HYDIN: variants seen among roughly 807,000 people sequenced by gnomAD.
The protein encoded by HYDIN is HYDIN axonemal central pair apparatus protein.
HYDIN carries 132 observed loss-of-function variants against 403.9 expected under a neutral mutation model. That is an observed-to-expected ratio of 0.33 (90% CI 0.28 to 0.38). HYDIN has a LOEUF of 0.38. Among genes scored for constraint, HYDIN ranks in the 10% least tolerant of loss-of-function variants. HYDIN has a pLI of 1.00. For missense variants in HYDIN, 2,827 were observed against 5,009.5 expected (o/e 0.56, Z 13.15); for synonymous variants, 1,202 against 1,891.7 (o/e 0.64, Z 9.46).
chr16:71,046,851 G>C (rs527391959), intron 18 of HYDIN, among the ~76,000 whole-genome samples: 1 of 152,230 alleles, frequency 6.6e-6, no homozygotes, highest in East Asian at 1.9e-4. Context: ...TATACTATCA[G>C]TGCACAAAAC....
chr16:71,186,873 TC>T lies in HYDIN; in HGVS notation c.22del (p.Glu8SerfsTer25). Reference protein sequence around the residue: MTSRRLEESMGAVQMGLV... With the variant: MTSRRLEXSMGAVQMGLV... The stretch of plus-strand genomic sequence containing the variant: ...TCCCATCTGAACAGCCCCCATGGAC[TC>T]CTCAAGTCTTCTACTTGTCATTTTT... On this transcript the variant is annotated frameshift_variant, in exon 2 of 86. Coordinates refer to ENST00000393567, the MANE Select transcript of HYDIN (RefSeq NM_001270974.2). LOFTEE classifies it high-confidence loss of function. 1 of 1,611,610 alleles carries T rather than the reference TC, an allele frequency of 6.2e-7. No homozygotes were observed. The highest frequency in any genetic ancestry group is 8.5e-7 in the Non-Finnish European group (1 of 1,178,676).
chr16:70,882,424 G>A (rs1388038677), intron 60 of HYDIN, among the ~76,000 whole-genome samples: 2 of 152,250 alleles, frequency 1.3e-5, no homozygotes, highest in Non-Finnish European at 2.9e-5. Context: ...TTCAATGGAG[G>A]AATGCGGTTT....
chr16:70,995,798 G>C (rs1389920068), intron 23 of HYDIN, among the ~76,000 whole-genome samples: 1 of 152,178 alleles, frequency 6.6e-6, no homozygotes, highest in Non-Finnish European at 1.5e-5. Flanking sequence ...CATTAGACTT[G>C]GCTTCTGGGA....
chr16:70,986,419 T>C (rs1463782581), intron 27 of HYDIN, among the ~76,000 whole-genome samples: 1 of 152,222 alleles, frequency 6.6e-6, no homozygotes, highest in Non-Finnish European at 1.5e-5. Flanking sequence ...CAAAGGACCC[T>C]GGAGACGACG....
At chr16:71,223,559 T>C (rs2040893829) in intron 1 of HYDIN, among the ~76,000 whole-genome samples, 1 of 151,732 alleles carries the variant, frequency 6.6e-6, no homozygotes, top group Non-Finnish European at 1.5e-5. Context: ...TGGGAGAAAG[T>C]ATTTGCAAGC....
Position 70,943,927 on chromosome 16 carries a change from G to T in HYDIN, c.6554C>A (p.Pro2185Gln). The change falls in exon 42 of 86, where the codon CCG (proline) becomes CAG (glutamine). Residue 2185 changes from proline to glutamine, a missense_variant. By Grantham distance (76) the Pro-to-Gln change is moderately conservative. Transcript: ENST00000393567. ...TPQISSSPLPPGPIHRWLSVS... is the reference protein window; with the variant it reads ...TPQISSSPLPQGPIHRWLSVS... ...ACTGAGCCAGCGGTGGATGGGCCCCGGGGGGAGAGGGCTGGAGGAAATCTG... is the reference window on the plus strand; with the variant it reads ...ACTGAGCCAGCGGTGGATGGGCCCCTGGGGGAGAGGGCTGGAGGAAATCTG... 4 of 1,610,260 alleles carry T rather than the reference G, an allele frequency of 2.5e-6. No individual in the cohort carries two copies. The highest frequency in any genetic ancestry group is 2.5e-6 in the Non-Finnish European group (3 of 1,178,438).
chr16:70,900,449 C>G (rs556606299), intron 53 of HYDIN, among the ~76,000 whole-genome samples: 1 of 148,922 alleles, frequency 6.7e-6, no homozygotes, highest in South Asian at 2.2e-4. Context: ...TGCACTCCAG[C>G]CAGGGTGACA....
At chr16:71,115,281 C>T (rs945660626) in intron 10 of HYDIN, among the ~76,000 whole-genome samples, 3 of 152,182 alleles carry the variant, frequency 2.0e-5, no homozygotes, top group Admixed American at 6.5e-5. Flanking sequence ...GCACTTCTCC[C>T]TCCTGCTGCC....
chr16:70,809,964 G>A lies in HYDIN; in HGVS notation c.14702C>T (p.Thr4901Ile). 1.9e-6 allele frequency: 3 copies of A among 1,614,140 alleles called. No individual in the cohort carries two copies. Among genetic ancestry groups the A allele is most frequent in the Non-Finnish European group, 2.5e-6 (3 of 1,180,008 alleles). The change falls in exon 85 of 86, where the codon ACC becomes ATC. Residue 4901 changes from threonine (T) to isoleucine (I), a missense_variant. Physicochemically the swap from Thr to Ile is moderately conservative, Grantham distance 89. Coordinates refer to ENST00000393567, the MANE Select transcript of HYDIN (RefSeq NM_001270974.2). ...FEFQPLKAGE[T>I]FGRLTLHNTD... ...GTTGTGCAAAGTTAGTCTTCCGAAG[G>A]TTTCTCCAGCTTTCAGGGGCTGAAA...
At chr16:70,848,417 C>T (rs9938861) in intron 75 of HYDIN, among the ~76,000 whole-genome samples, 6,085 of 151,794 alleles carry the variant, frequency 0.04, 385 homozygotes, top group African/African-American at 0.14. Flanking sequence ...TTTTTTTAGT[C>T]GGAAACTGGA....
chr16:70,873,000 CATGT>C (rs1409124722), intron 64 of HYDIN, among the ~76,000 whole-genome samples: 7 of 53,014 alleles, frequency 1.3e-4, no homozygotes, highest in Non-Finnish European at 3.3e-5. Flanking sequence ...TGCATGCATG[CATGT>C]ATCCATCCAC....
intron 73 of HYDIN, 117 bp from the exon 74 acceptor site, chr16:70,850,772 G>C: frequency 3.3e-6 from 3 of 922,414 alleles, no homozygotes; most frequent in Non-Finnish European, 4.8e-6. Flanking sequence ...TCCAAATTAT[G>C]ATGACATTTT....
intron 8 of HYDIN, among the ~76,000 whole-genome samples, chr16:71,130,756 G>A (rs1004203806): frequency 1.3e-5 from 2 of 151,982 alleles, no homozygotes; most frequent in African/African-American, 4.8e-5. Context: ...CCAAAGTGCT[G>A]GGATTACAGG....
intron 18 of HYDIN, among the ~76,000 whole-genome samples, chr16:71,053,630 G>A (rs2081745182): frequency 7.9e-6 from 1 of 126,254 alleles, no homozygotes; most frequent in Non-Finnish European, 1.8e-5. Flanking sequence ...TAGTATTTAT[G>A]AATGCATATA....
intron 28 of HYDIN, among the ~76,000 whole-genome samples, chr16:70,982,207 G>C (rs1164427977): frequency 6.6e-6 from 1 of 150,414 alleles, no homozygotes; most frequent in East Asian, 1.9e-4. Flanking sequence ...ATACAATTAT[G>C]AGAAAACTTT....
At chr16:71,218,803 A>C (rs2089034724) in intron 1 of HYDIN, among the ~76,000 whole-genome samples, 1 of 152,186 alleles carries the variant, frequency 6.6e-6, no homozygotes, top group Non-Finnish European at 1.5e-5. Context: ...CTAGCAGCAA[A>C]AGGATTATAT....
chr16:71,033,763 T>C (rs1014212813), intron 18 of HYDIN, among the ~76,000 whole-genome samples: 4 of 152,176 alleles, frequency 2.6e-5, no homozygotes, highest in South Asian at 2.1e-4. Flanking sequence ...CTGCACATCC[T>C]GCACAAGTAC....
At chr16:70,974,446 C>A (rs938601255) in intron 32 of HYDIN, 88 bp downstream of exon 32, 4 of 1,414,876 alleles carry the variant, frequency 2.8e-6, no homozygotes, top group Admixed American at 4.9e-5. Flanking sequence ...CCCAGAGGCA[C>A]AAAAGCTGCT....
intron 47 of HYDIN, among the ~76,000 whole-genome samples, chr16:70,913,054 A>C (rs2076737281): frequency 6.6e-6 from 1 of 151,668 alleles, no homozygotes; most frequent in African/African-American, 2.4e-5. Flanking sequence ...ATGGTCTATC[A>C]ATTTTATTTA....
Sources: gnomAD v4.1 joint callset for allele counts (sites outside exome capture counted in the v4.1 genomes callset) on GRCh38, gnomAD v4.1.1 for gene constraint, MANE v1.5 for transcripts, NCBI Gene and HGNC (gene_info 2026-07-23, HGNC 2026-07-21) for gene names.